The following NXPH1 variants were observed in gnomAD, a reference collection of about 807,000 sequenced individuals.
The protein encoded by NXPH1 is neurexophilin 1.
A neutral mutation model predicts 23.7 loss-of-function variants in NXPH1; 5 were observed. That is an observed-to-expected ratio of 0.21 (90% CI 0.11 to 0.44). The LOEUF (loss-of-function observed/expected upper bound fraction) is 0.44, where lower values mean the gene tolerates loss of function less well. Ranked by LOEUF, NXPH1 falls within the 20% of genes least tolerant of loss-of-function variation. The pLI is 0.99. For missense variants in NXPH1, 324 were observed against 321.6 expected (o/e 1.01, Z -0.06); for synonymous variants, 144 against 122.2 (o/e 1.18, Z -1.18).
chr7:8,686,885 A>G (rs1484050355), intron 2 of NXPH1, among the ~76,000 whole-genome samples: 2 of 152,164 alleles, frequency 1.3e-5, no homozygotes, highest in Non-Finnish European at 2.9e-5. Context: ...TTTATGCTGA[A>G]TTACACATTA....
At chr7:8,696,926 T>C (rs188052382) in intron 2 of NXPH1, among the ~76,000 whole-genome samples, 97 of 150,906 alleles carry the variant, frequency 6.4e-4, no homozygotes, top group African/African-American at 2.1e-3. Context: ...GATGGATCAC[T>C]TGAGGCCAGG....
chr7:8,622,399 A>G (rs1819895848), intron 2 of NXPH1, among the ~76,000 whole-genome samples: 1 of 152,176 alleles, frequency 6.6e-6, no homozygotes. Flanking sequence ...AGGTCCTTCA[A>G]TTATAAGTCT....
chr7:8,475,467 C>G (rs1193809545), intron 2 of NXPH1, among the ~76,000 whole-genome samples: 1 of 152,010 alleles, frequency 6.6e-6, no homozygotes, highest in Non-Finnish European at 1.5e-5. Context: ...TAACTAAACC[C>G]ATGGAATGAA....
chr7:8,448,691 C>A (rs1462564800), intron 2 of NXPH1, among the ~76,000 whole-genome samples: 1 of 151,982 alleles, frequency 6.6e-6, no homozygotes, highest in African/African-American at 2.4e-5. Flanking sequence ...GCGGCACATG[C>A]CTGTAGTCCC....
rs1818809672 is a variant in NXPH1, at chr7:8,578,946, G to T, written c.54+143179G>T. On this transcript the variant is annotated intron_variant, in intron 2 of 2. Transcript: ENST00000405863. ...CCTGAGTCAGGATACAACATGTGTTGTTTGAAAACCTGAAAGAACTCAGGT... is the reference window on the plus strand; with the variant it reads ...CCTGAGTCAGGATACAACATGTGTTTTTTGAAAACCTGAAAGAACTCAGGT... 2.0e-5 allele frequency among the ~76,000 whole-genome samples: 3 copies of T among 152,208 alleles called. No individual in the cohort carries two copies. The South Asian group carries it at 6.2e-4, about 31-fold the overall frequency.
At chr7:8,727,152 T>G (rs1044004863) in intron 2 of NXPH1, among the ~76,000 whole-genome samples, 14 of 144,184 alleles carry the variant, frequency 9.7e-5, no homozygotes, top group Non-Finnish European at 1.9e-4. Flanking sequence ...GAAGTGTCTG[T>G]TCATGTCCTT....
At chr7:8,450,529 A>G (rs894184087) in intron 2 of NXPH1, among the ~76,000 whole-genome samples, 2 of 152,228 alleles carry the variant, frequency 1.3e-5, no homozygotes, top group Non-Finnish European at 2.9e-5. Flanking sequence ...GGATCTAGGA[A>G]TTTATCTATT....
chr7:8,518,408 A>G (rs1192991886), intron 2 of NXPH1, among the ~76,000 whole-genome samples: 5 of 152,170 alleles, frequency 3.3e-5, no homozygotes, highest in African/African-American at 1.2e-4. Flanking sequence ...TACCTAACAC[A>G]TAAAATTATT....
chr7:8,490,888 G>A (rs1224719104), intron 2 of NXPH1, among the ~76,000 whole-genome samples: 1 of 151,992 alleles, frequency 6.6e-6, no homozygotes, highest in Non-Finnish European at 1.5e-5. Context: ...TACTTCTGGT[G>A]TTTGTGATTA....
chr7:8,691,969 G>A (rs1381740067), intron 2 of NXPH1, among the ~76,000 whole-genome samples: 1 of 151,982 alleles, frequency 6.6e-6, no homozygotes, highest in Non-Finnish European at 1.5e-5. Context: ...GTGACAAGGG[G>A]CACTAGTCAA....
intron 2 of NXPH1, among the ~76,000 whole-genome samples, chr7:8,575,640 A>T (rs1161571457): frequency 1.3e-5 from 2 of 152,144 alleles, no homozygotes; most frequent in Admixed American, 6.5e-5. Flanking sequence ...TTCCATTTGA[A>T]TTATCTGGAT....
chr7:8,699,661 GT>G (rs1779590619), intron 2 of NXPH1, among the ~76,000 whole-genome samples: 1 of 152,122 alleles, frequency 6.6e-6, no homozygotes, highest in African/African-American at 2.4e-5. Flanking sequence ...ATATCAAAGA[GT>G]TTTTTGATAG....
At chr7:8,718,878 C>T (rs1252855963) in intron 2 of NXPH1, among the ~76,000 whole-genome samples, 5 of 152,206 alleles carry the variant, frequency 3.3e-5, no homozygotes, top group Non-Finnish European at 7.3e-5. Flanking sequence ...TAGGTGCCGG[C>T]CATCTACAGC....
chr7:8,478,038 A>G (rs995206093), intron 2 of NXPH1, among the ~76,000 whole-genome samples: 4 of 152,092 alleles, frequency 2.6e-5, no homozygotes, highest in African/African-American at 4.8e-5. Flanking sequence ...TGCTCTTTGG[A>G]TATTTGCTGA....
chr7:8,498,206 A>G (rs992461134), intron 2 of NXPH1, among the ~76,000 whole-genome samples: 3 of 152,064 alleles, frequency 2.0e-5, no homozygotes, highest in Non-Finnish European at 4.4e-5. Flanking sequence ...TTTTGAAAGG[A>G]TATCCCTGGG....
chr7:8,468,663 G>T (rs1816822305), intron 2 of NXPH1, among the ~76,000 whole-genome samples: 1 of 151,976 alleles, frequency 6.6e-6, no homozygotes, highest in African/African-American at 2.4e-5. Context: ...AGATAATACT[G>T]GCTTTGGAAA....
chr7:8,595,224 C>T (rs10252943), intron 2 of NXPH1, among the ~76,000 whole-genome samples: 65,579 of 151,694 alleles, frequency 0.43, 16,786 homozygotes, highest in African/African-American at 0.73. Flanking sequence ...TAAACAAATA[C>T]TTGATTTCAA....
chr7:8,649,806 T>G (rs1820461907), intron 2 of NXPH1, among the ~76,000 whole-genome samples: 1 of 152,236 alleles, frequency 6.6e-6, no homozygotes. Flanking sequence ...GAATAAACAC[T>G]AGTATTACTT....
At chr7:8,479,375 G>A (rs1006110617) in intron 2 of NXPH1, among the ~76,000 whole-genome samples, 3 of 152,096 alleles carry the variant, frequency 2.0e-5, no homozygotes, top group Admixed American at 6.6e-5. Flanking sequence ...TCATTCCTGT[G>A]TATCTTTGAG....
Sources: allele counts gnomAD v4.1 joint callset (sites outside exome capture counted in the v4.1 genomes callset), GRCh38; gene constraint gnomAD v4.1.1; transcripts MANE v1.5; gene names NCBI Gene and HGNC (gene_info 2026-07-23, HGNC 2026-07-21).